The following CCDC169 variants were observed in gnomAD, a reference collection of about 807,000 sequenced individuals.
CCDC169 encodes the protein coiled-coil domain-containing protein 169.
A neutral mutation model predicts 36.0 loss-of-function variants in CCDC169; 30 were observed. The ratio of observed to expected loss-of-function variants is 0.83; its 90% CI spans 0.62 to 1.13. The LOEUF (loss-of-function observed/expected upper bound fraction) is 1.13. CCDC169 is among the 50% of genes most tolerant of loss of function. CCDC169 has a pLI of 0.00. For missense variants in CCDC169, 245 were observed against 245.9 expected (o/e 1.00, Z 0.03); for synonymous variants, 85 against 81.5 (o/e 1.04, Z -0.23).
At chr13:36,234,942 G>C (rs1463145530) in intron 7 of CCDC169, among the ~76,000 whole-genome samples, 1 of 152,034 alleles carries the variant, frequency 6.6e-6, no homozygotes, top group East Asian at 1.9e-4. Flanking sequence ...GATAAATGTA[G>C]TTTTTGTTTG....
intron 4 of CCDC169, among the ~76,000 whole-genome samples, chr13:36,275,015 C>T (rs1452711307): frequency 6.6e-6 from 1 of 151,822 alleles, no homozygotes; most frequent in Non-Finnish European, 1.5e-5. Flanking sequence ...ACTACAGGCG[C>T]CCACCATCAC....
In CCDC169 at chr13:36,283,628, T is replaced by C. The variant is rs1193954072; in HGVS notation, c.238A>G (p.Lys80Glu). 1.3e-6 allele frequency: 2 copies of C among 1,551,318 alleles called. No homozygotes were observed. Among genetic ancestry groups the C allele is most frequent in the South Asian group, 2.4e-5 (2 of 84,050 alleles). Residue 80 changes from lysine to glutamate, a missense_variant, in exon 3 of 8, where the codon AAG becomes GAG. Physicochemically the swap from Lys to Glu is moderately conservative, Grantham distance 56. Transcript: ENST00000239859. ...DELEKQIVYLKEKVEKIHGNS... is the reference protein window; with the variant it reads ...DELEKQIVYLEEKVEKIHGNS... ...CCATGGATTTTTTCCACTTTCTCCT[T>C]GAGATAAACAATTTGCTTTTCTAGT... is the stretch of plus-strand genomic sequence containing the variant.
downstream of CCDC169, chr13:36,223,913 T>C (rs1869734769): frequency 6.6e-6 from 1 of 152,140 alleles, no homozygotes; most frequent in South Asian, 2.1e-4. Context: ...AGTAATTTCT[T>C]ATCCAGTAGA....
At chr13:36,238,258 T>G (rs934091368) in intron 7 of CCDC169, among the ~76,000 whole-genome samples, 5 of 152,094 alleles carry the variant, frequency 3.3e-5, no homozygotes, top group African/African-American at 1.2e-4. Context: ...GTTGTACACT[T>G]TATTATTTTT....
chr13:36,223,180 A>C (rs185394838), downstream of CCDC169: 4 of 152,186 alleles, frequency 2.6e-5, no homozygotes, highest in East Asian at 5.8e-4. Flanking sequence ...TATAATCAAC[A>C]TATATTTTAT....
chr13:36,297,760 C>G lies in CCDC169; in HGVS notation c.-41G>C. 1 of 1,536,488 alleles carries G rather than the reference C, an allele frequency of 6.5e-7. No homozygotes were observed. Among genetic ancestry groups the G allele is most frequent in the Non-Finnish European group, 8.8e-7 (1 of 1,136,100 alleles). ...ACCTCCCGCGTCTTTCCCCTCAGCA[C>G]CTTAGAGCACAAGACATTAAGGGCC... On this transcript the variant is annotated 5_prime_UTR_variant, in exon 1 of 8. Coordinates refer to ENST00000239859, the MANE Select transcript of CCDC169 (RefSeq NM_001144981.3).
At chr13:36,225,123 C>G (rs1456211774), downstream of CCDC169, 1 of 152,102 alleles carries the variant, frequency 6.6e-6, no homozygotes, top group Non-Finnish European at 1.5e-5. Context: ...TACCTTTCAC[C>G]ATATGCAAAA....
chr13:36,267,211 G>A (rs895861089), intron 4 of CCDC169: 1 of 152,166 alleles, frequency 6.6e-6, no homozygotes, highest in African/African-American at 2.4e-5. Flanking sequence ...GAATGATACA[G>A]AGAAGATTAG....
chr13:36,255,022 T>G (rs1472527499), intron 4 of CCDC169, among the ~76,000 whole-genome samples: 3 of 152,042 alleles, frequency 2.0e-5, no homozygotes, highest in Admixed American at 6.5e-5. Flanking sequence ...CTGCCTGTTG[T>G]GGTCATTTTT....
At chr13:36,277,645 A>C (rs572521206) in intron 4 of CCDC169, among the ~76,000 whole-genome samples, 7 of 152,288 alleles carry the variant, frequency 4.6e-5, no homozygotes, top group Non-Finnish European at 1.0e-4. Context: ...AGGGAAGTAA[A>C]GGTTCTGCAC....
chr13:36,245,949 G>A (rs1311802494), intron 7 of CCDC169, among the ~76,000 whole-genome samples: 2 of 152,128 alleles, frequency 1.3e-5, no homozygotes, highest in Non-Finnish European at 2.9e-5. Context: ...CGTTAATGGT[G>A]ATCAGTGATC....
rs1870334416 is a variant in CCDC169 at position 36,230,796 on chromosome 13, T to C, written c.*397A>G. On this transcript the variant is annotated 3_prime_UTR_variant, in exon 8 of 8. Transcript: ENST00000239859. Reference sequence around the variant, plus strand: ...TTTTCGGCTTTGTTTAAACCTGCAATTTAAAAAACTGAGCAAGATCCAGCC... The same window carrying C: ...TTTTCGGCTTTGTTTAAACCTGCAACTTAAAAAACTGAGCAAGATCCAGCC... 2.0e-6 allele frequency: 2 copies of C among 987,648 alleles called. No homozygotes were observed. Among genetic ancestry groups the C allele is most frequent in the Non-Finnish European group, 2.4e-6 (2 of 831,662 alleles). The allele number at this position is 987,648 out of a possible 1,614,324, so 61.2% of individuals were successfully genotyped here.
At chr13:36,232,309 G>C (rs1870524887) in intron 7 of CCDC169, among the ~76,000 whole-genome samples, 1 of 152,128 alleles carries the variant, frequency 6.6e-6, no homozygotes. Context: ...TAAACAGTCT[G>C]GTGATTACTT....
intron 7 of CCDC169, among the ~76,000 whole-genome samples, chr13:36,235,494 A>G (rs946180825): frequency 3.9e-5 from 6 of 151,948 alleles, no homozygotes; most frequent in African/African-American, 1.4e-4. Flanking sequence ...GATAAAGAAA[A>G]TCTATGAACA....
intron 6 of CCDC169, among the ~76,000 whole-genome samples, chr13:36,252,784 T>G (rs1161495524): frequency 2.0e-5 from 3 of 152,212 alleles, no homozygotes; most frequent in Admixed American, 2.0e-4. Context: ...GAGTCATATA[T>G]CCAACTGCTC....
chr13:36,241,897 T>C (rs772181136), intron 7 of CCDC169, among the ~76,000 whole-genome samples: 1 of 152,174 alleles, frequency 6.6e-6, no homozygotes, highest in Non-Finnish European at 1.5e-5. Context: ...GATAATTTGA[T>C]CCTGGGGGCG....
At chr13:36,224,013 T>C (rs925034047), downstream of CCDC169, 2 of 152,142 alleles carry the variant, frequency 1.3e-5, no homozygotes, top group African/African-American at 4.8e-5. Context: ...GAAGAAAAGG[T>C]AGGAATAATT....
In CCDC169 at chr13:36,231,099, T is replaced by C; in HGVS notation, c.*94A>G. On this transcript the variant is annotated 3_prime_UTR_variant, in exon 8 of 8. Transcript: ENST00000239859. ...AATGTGGCAGTTCTTATCTATTTTATTCCCTGAAGAAATGTGCTGACCATT... is the reference window on the plus strand; with the variant it reads ...AATGTGGCAGTTCTTATCTATTTTACTCCCTGAAGAAATGTGCTGACCATT... 1 of 1,464,680 alleles carries C rather than the reference T, an allele frequency of 6.8e-7. No individual in the cohort carries two copies. The highest frequency in any genetic ancestry group is 9.0e-7 in the Non-Finnish European group (1 of 1,112,140). 90.7% of individuals were successfully genotyped at this position (1,464,680 alleles called of 1,614,324 possible). A position where few individuals can be genotyped will look rare whatever the true frequency, so the allele number is the denominator to read the frequency against.
intron 4 of CCDC169, among the ~76,000 whole-genome samples, chr13:36,271,169 A>T (rs538976220): frequency 2.0e-5 from 3 of 152,320 alleles, no homozygotes; most frequent in African/African-American, 4.8e-5. Context: ...AATGCTCAAC[A>T]TCACTAATCC....
Sources: gnomAD v4.1 joint callset for allele counts (sites outside exome capture counted in the v4.1 genomes callset) on GRCh38, gnomAD v4.1.1 for gene constraint, MANE v1.5 for transcripts, NCBI Gene and HGNC (gene_info 2026-07-23, HGNC 2026-07-21) for gene names.